The following DCDC1 variants were observed in gnomAD, a reference collection of about 807,000 sequenced individuals.
The protein encoded by DCDC1 is doublecortin domain-containing protein 1.
Under a neutral mutation model 178.3 loss-of-function variants are expected in DCDC1, and 200 were observed. The observed-to-expected ratio is 1.12, with a 90% CI of 1.00 to 1.26. The LOEUF is 1.26. DCDC1 is among the 50% of genes most tolerant of loss of function. The pLI, the probability that DCDC1 is intolerant of heterozygous loss-of-function variation, is 0.00. For synonymous variants in DCDC1, 690 were observed against 604.8 expected, an observed-to-expected ratio of 1.14 and a Z score of -2.07; for missense variants, 1,983 against 1,749.2, an observed-to-expected ratio of 1.13 and a Z score of -2.38.
At chr11:31,037,878 T>G (rs937995993) in intron 20 of DCDC1, among the ~76,000 whole-genome samples, 1 of 151,978 alleles carries the variant, frequency 6.6e-6, no homozygotes, top group African/African-American at 2.4e-5. Context: ...AGCATAGTCT[T>G]TTATTTAGTG....
intron 20 of DCDC1, among the ~76,000 whole-genome samples, chr11:31,037,391 A>C (rs993017124): frequency 6.7e-6 from 1 of 149,666 alleles, no homozygotes; most frequent in Non-Finnish European, 1.5e-5. Flanking sequence ...ACCAGGCTCT[A>C]CCTAATGAAG....
chr11:31,003,951 C>T (rs905826110), intron 20 of DCDC1, among the ~76,000 whole-genome samples: 7 of 152,050 alleles, frequency 4.6e-5, no homozygotes, highest in East Asian at 1.9e-4. Flanking sequence ...GGAGATGGTA[C>T]GAATGATGAC....
intron 8 of DCDC1, among the ~76,000 whole-genome samples, chr11:31,244,326 TA>T (rs1346509855): frequency 6.6e-6 from 1 of 151,774 alleles, no homozygotes; most frequent in Non-Finnish European, 1.5e-5. Context: ...TGGATATTCC[TA>T]ATATTCTATA....
intron 8 of DCDC1, among the ~76,000 whole-genome samples, chr11:31,243,215 T>C (rs1305541996): frequency 1.3e-5 from 2 of 151,718 alleles, no homozygotes; most frequent in African/African-American, 4.8e-5. Context: ...CCTTTAAAAA[T>C]GTATAATATA....
intron 8 of DCDC1, among the ~76,000 whole-genome samples, chr11:31,256,462 A>G (rs534347854): frequency 9.2e-5 from 14 of 152,316 alleles, no homozygotes; most frequent in Admixed American, 3.3e-4. Context: ...GGAAAGTGCT[A>G]TACTTATGGG....
At chr11:31,019,092 G>A (rs1041647218) in intron 20 of DCDC1, among the ~76,000 whole-genome samples, 14 of 152,142 alleles carry the variant, frequency 9.2e-5, no homozygotes. Context: ...CAGCTGTTTT[G>A]TGACCTAAGA....
intron 15 of DCDC1, among the ~76,000 whole-genome samples, chr11:31,096,936 C>A (rs781399729): frequency 6.6e-6 from 1 of 152,226 alleles, no homozygotes; most frequent in African/African-American, 2.4e-5. Flanking sequence ...TGTGTGCGCG[C>A]GCCCGTGTAC....
At chr11:30,955,701 C>A (rs1948735318) in intron 20 of DCDC1, among the ~76,000 whole-genome samples, 1 of 152,156 alleles carries the variant, frequency 6.6e-6, no homozygotes, top group African/African-American at 2.4e-5. Flanking sequence ...CATTGATTAC[C>A]TATTTATACC....
At chr11:30,902,399 A>C (rs1025575544) in intron 32 of DCDC1, among the ~76,000 whole-genome samples, 8 of 152,148 alleles carry the variant, frequency 5.3e-5, no homozygotes, top group Admixed American at 4.6e-4. Context: ...AATTGTGAGA[A>C]ATAAAGTTCT....
chr11:31,257,483 T>C (rs1470000158), intron 8 of DCDC1, among the ~76,000 whole-genome samples: 5 of 151,954 alleles, frequency 3.3e-5, no homozygotes, highest in African/African-American at 1.2e-4. Flanking sequence ...TTGAAGAAAG[T>C]ATTACAAATC....
chr11:31,250,423 T>TATATATATATATATATATATATATAC (rs1943931448), intron 8 of DCDC1, among the ~76,000 whole-genome samples: 1 of 95,820 alleles, frequency 1.0e-5, no homozygotes, highest in Non-Finnish European at 2.2e-5. Flanking sequence ...CACATATACA[T>TATATATATATATATATATATATATAC]ATATATGTAT....
intron 20 of DCDC1, among the ~76,000 whole-genome samples, chr11:31,062,058 G>T (rs892272191): frequency 1.3e-5 from 2 of 152,070 alleles, no homozygotes; most frequent in Non-Finnish European, 1.5e-5. Context: ...CATGGGAAGG[G>T]TGAAATAGGC....
intron 9 of DCDC1, among the ~76,000 whole-genome samples, chr11:31,210,897 C>T (rs1488541615): frequency 6.6e-6 from 1 of 152,146 alleles, no homozygotes; most frequent in Non-Finnish European, 1.5e-5. Context: ...CGGTAAGAGG[C>T]ACCTCCGGAT....
At chr11:30,871,734 G>A (rs1296726264) in intron 38 of DCDC1, among the ~76,000 whole-genome samples, 5 of 151,838 alleles carry the variant, frequency 3.3e-5, no homozygotes, top group Admixed American at 6.6e-5. Context: ...CACTTGTTTC[G>A]CCTTCCAATA....
chr11:30,915,372 G>A, intron 27 of DCDC1, 139 bp downstream of exon 27: 1 of 844,672 alleles, frequency 1.2e-6, no homozygotes, highest in Non-Finnish European at 1.8e-6. Context: ...CTTTGGCTAG[G>A]ATAAAGAATT....
At chr11:31,034,463 G>C (rs1405698903) in intron 20 of DCDC1, among the ~76,000 whole-genome samples, 2 of 152,082 alleles carry the variant, frequency 1.3e-5, no homozygotes, top group Non-Finnish European at 2.9e-5. Flanking sequence ...AGCCCTACAA[G>C]CTCCATTCAT....
chr11:31,324,914 A>G (rs1949568846), intron 3 of DCDC1, among the ~76,000 whole-genome samples: 2 of 152,166 alleles, frequency 1.3e-5, no homozygotes, highest in South Asian at 2.1e-4. Flanking sequence ...AAAAATGGTT[A>G]GTATTTACTT....
chr11:31,022,323 T>C (rs77143886), intron 20 of DCDC1, among the ~76,000 whole-genome samples: 1,730 of 152,276 alleles, frequency 0.011, 24 homozygotes, highest in Admixed American at 0.033. Context: ...TATTGACAGA[T>C]AGTATGTTCC....
At chr11:31,359,920 C>T (rs748543405) in intron 1 of DCDC1, among the ~76,000 whole-genome samples, 5 of 152,106 alleles carry the variant, frequency 3.3e-5, no homozygotes, top group Non-Finnish European at 5.9e-5. Context: ...TGAATTTTTG[C>T]CTCTGTCTCT....
Sources: allele counts gnomAD v4.1 joint callset (sites outside exome capture counted in the v4.1 genomes callset), GRCh38; gene constraint gnomAD v4.1.1; transcripts MANE v1.5; gene names NCBI Gene and HGNC (gene_info 2026-07-23, HGNC 2026-07-21).